The following DCC variants were observed in gnomAD, a reference collection of about 807,000 sequenced individuals.
The protein encoded by DCC is DCC netrin 1 receptor.
Under a neutral mutation model 172.5 loss-of-function variants are expected in DCC, and 58 were observed. The ratio of observed to expected loss-of-function variants is 0.34; its 90% CI spans 0.27 to 0.42. DCC has a LOEUF of 0.42. Among genes scored for constraint, DCC ranks in the 10% least tolerant of loss-of-function variants. The pLI is 1.00. For synonymous variants in DCC, 709 were observed against 644.5 expected, an observed-to-expected ratio of 1.10 and a Z score of -1.52; for missense variants, 1,740 against 1,791.0, an observed-to-expected ratio of 0.97 and a Z score of 0.51.
intron 2 of DCC, among the ~76,000 whole-genome samples, chr18:52,822,927 AGTG>A (rs1309424548): frequency 1.3e-5 from 2 of 149,886 alleles, no homozygotes; most frequent in African/African-American, 4.9e-5. Flanking sequence ...ATATTTAAGA[AGTG>A]GTATTTTTTA....
At chr18:52,866,476 T>C (rs149606491) in intron 2 of DCC, among the ~76,000 whole-genome samples, 11,619 of 152,276 alleles carry the variant, frequency 0.076, 821 homozygotes, top group East Asian at 0.3. Context: ...TAAATTACTT[T>C]GGGCAGTATG....
At chr18:52,583,493 A>G (rs186250621) in intron 1 of DCC, among the ~76,000 whole-genome samples, 3 of 152,338 alleles carry the variant, frequency 2.0e-5, no homozygotes, top group Admixed American at 2.0e-4. Context: ...TTAGAAGAAT[A>G]TATCTCTTTC....
At chr18:52,857,474 C>G (rs1396327960) in intron 2 of DCC, among the ~76,000 whole-genome samples, 1 of 152,022 alleles carries the variant, frequency 6.6e-6, no homozygotes, top group Non-Finnish European at 1.5e-5. Flanking sequence ...CATTAAGATT[C>G]AATTGTACAA....
intron 8 of DCC, among the ~76,000 whole-genome samples, chr18:53,173,238 T>C (rs554891106): frequency 5.3e-5 from 8 of 152,244 alleles, no homozygotes; most frequent in Non-Finnish European, 8.8e-5. Context: ...TAGATTACTA[T>C]TGAATCTCAT....
intron 1 of DCC, among the ~76,000 whole-genome samples, chr18:52,638,853 G>T (rs1477022270): frequency 2.0e-5 from 3 of 152,094 alleles, no homozygotes; most frequent in Non-Finnish European, 1.5e-5. Flanking sequence ...TGGAACAAAT[G>T]AACTTAACAG....
intron 7 of DCC, among the ~76,000 whole-genome samples, chr18:53,082,171 A>G (rs2144138688): frequency 6.6e-6 from 1 of 152,268 alleles, no homozygotes; most frequent in South Asian, 2.1e-4. Context: ...AATTTATGCC[A>G]TGTACAGGTT....
chr18:52,601,819 G>A (rs1435286337), intron 1 of DCC, among the ~76,000 whole-genome samples: 1 of 152,064 alleles, frequency 6.6e-6, no homozygotes, highest in Non-Finnish European at 1.5e-5. Context: ...TTATGCAGGA[G>A]TAACTCTAAA....
chr18:53,160,813 G>A (rs1156497891), intron 8 of DCC, among the ~76,000 whole-genome samples: 1 of 152,064 alleles, frequency 6.6e-6, no homozygotes, highest in Non-Finnish European at 1.5e-5. Context: ...ATATAAGAAG[G>A]GGAATTCTAC....
At chr18:53,500,235 A>G (rs1282219603) in intron 27 of DCC, among the ~76,000 whole-genome samples, 1 of 152,184 alleles carries the variant, frequency 6.6e-6, no homozygotes, top group African/African-American at 2.4e-5. Flanking sequence ...AGGCAGAGAC[A>G]GAAGAAGGAG....
At chr18:52,359,511 AG>A (rs1984526039) in intron 1 of DCC, among the ~76,000 whole-genome samples, 1 of 152,110 alleles carries the variant, frequency 6.6e-6, no homozygotes, top group Non-Finnish European at 1.5e-5. Context: ...TTTCAGAGTA[AG>A]CTTACTCTCC....
chr18:52,878,347 C>T (rs951900385), intron 2 of DCC, among the ~76,000 whole-genome samples: 2 of 152,186 alleles, frequency 1.3e-5, no homozygotes, highest in African/African-American at 2.4e-5. Context: ...CATAACACAA[C>T]TCACTTTCTC....
intron 12 of DCC, among the ~76,000 whole-genome samples, chr18:53,288,623 G>A (rs779514998): frequency 1.3e-5 from 2 of 152,028 alleles, no homozygotes; most frequent in Admixed American, 1.3e-4. Flanking sequence ...TAAAATTATA[G>A]CCAACTACAG....
chr18:53,327,756 G>T (rs1488901990), intron 14 of DCC, among the ~76,000 whole-genome samples: 1 of 152,162 alleles, frequency 6.6e-6, no homozygotes, highest in Non-Finnish European at 1.5e-5. Flanking sequence ...GTGAGCAAAA[G>T]AATGTGTTCT....
intron 1 of DCC, among the ~76,000 whole-genome samples, chr18:52,519,344 A>G (rs1335671744): frequency 1.3e-5 from 2 of 152,224 alleles, no homozygotes; most frequent in Non-Finnish European, 2.9e-5. Context: ...TCTGCAGTGC[A>G]GTGGGGACTT....
At chr18:52,619,832 C>T (rs1166718909) in intron 1 of DCC, among the ~76,000 whole-genome samples, 1 of 152,146 alleles carries the variant, frequency 6.6e-6, no homozygotes, top group African/African-American at 2.4e-5. Context: ...AAATCCAGCC[C>T]CAGTCACCCT....
chr18:52,681,027 G>A (rs1321264189), intron 1 of DCC, among the ~76,000 whole-genome samples: 3 of 152,188 alleles, frequency 2.0e-5, no homozygotes, highest in East Asian at 1.9e-4. Flanking sequence ...ACTATTGGTG[G>A]TGGGGTCGGC....
In DCC at chr18:53,348,856, G is replaced by A. The variant is rs555675252; in HGVS notation, c.2359+8949G>A. Among the ~76,000 whole-genome samples the A allele has an allele frequency of 3.1e-3, 469 of 152,230 alleles. 3 individuals are homozygous for A. The highest frequency in any genetic ancestry group is 5.2e-3 in the Non-Finnish European group (354 of 68,028). On this transcript the variant is annotated intron_variant, in intron 15 of 28. Transcript: ENST00000442544. ...ACACAGCACAGGGACCCTGGGCCCA[G>A]CCCACAGAACCACTTTTTCCTCTGA... is the stretch of plus-strand genomic sequence containing the variant.
intron 22 of DCC, among the ~76,000 whole-genome samples, chr18:53,440,835 A>G (rs189573022): frequency 5.9e-4 from 90 of 152,320 alleles, no homozygotes; most frequent in South Asian, 3.9e-3. Flanking sequence ...TCTAGACCTG[A>G]CTTTGTAGAG....
intron 2 of DCC, among the ~76,000 whole-genome samples, chr18:52,788,023 T>C (rs73455815): frequency 0.022 from 3,390 of 152,266 alleles, 123 homozygotes; most frequent in African/African-American, 0.077. Context: ...GGTTAGTGTC[T>C]TAAGACAGTC....
Sources: allele counts gnomAD v4.1 joint callset (sites outside exome capture counted in the v4.1 genomes callset), GRCh38; gene constraint gnomAD v4.1.1; transcripts MANE v1.5; gene names NCBI Gene and HGNC (gene_info 2026-07-23, HGNC 2026-07-21).